ITCH: variants seen among roughly 807,000 people sequenced by gnomAD.
ITCH encodes the protein E3 ubiquitin-protein ligase Itchy homolog.
In ITCH, 28 loss-of-function variants were observed where a neutral mutation model predicts 126.8. The observed-to-expected ratio is 0.22, with a 90% CI of 0.16 to 0.30. The LOEUF is 0.30. Ranked by LOEUF, ITCH falls within the 10% of genes least tolerant of loss-of-function variation. The pLI is 1.00. For synonymous variants in ITCH, 342 were observed against 340.0 expected, an observed-to-expected ratio of 1.01 and a Z score of -0.06; for missense variants, 631 against 1,032.4, an observed-to-expected ratio of 0.61 and a Z score of 5.33.
chr20:34,409,153 GTTTTTAACTTAA>G (rs1568907073), intron 4 of ITCH, among the ~76,000 whole-genome samples: 1 of 112,010 alleles, frequency 8.9e-6, no homozygotes, highest in African/African-American at 4.2e-5. Flanking sequence ...CCCCCCCCCG[GTTTTTAACTTAA>G]TTTTTAAAAA....
At chr20:34,459,314 C>T (rs1986299438) in intron 13 of ITCH, among the ~76,000 whole-genome samples, 2 of 152,154 alleles carry the variant, frequency 1.3e-5, no homozygotes, top group African/African-American at 4.8e-5. Context: ...CGAGTATCAC[C>T]AACCAGGGAA....
At chr20:34,418,888 A>G (rs1401591597) in intron 6 of ITCH, among the ~76,000 whole-genome samples, 3 of 151,504 alleles carry the variant, frequency 2.0e-5, no homozygotes, top group Non-Finnish European at 2.9e-5. Flanking sequence ...CAGCCTCCCA[A>G]GTAGCTGGGA....
At chr20:34,366,520 C>T (rs1448765003) in intron 1 of ITCH, among the ~76,000 whole-genome samples, 3 of 152,060 alleles carry the variant, frequency 2.0e-5, no homozygotes, top group African/African-American at 7.2e-5. Flanking sequence ...CTACTGTGCT[C>T]TGGCTAAAAA....
intron 3 of ITCH, among the ~76,000 whole-genome samples, chr20:34,396,449 G>T (rs1483185910): frequency 6.6e-6 from 1 of 151,878 alleles, no homozygotes; most frequent in Non-Finnish European, 1.5e-5. Context: ...CATTCTAGTG[G>T]GTGTGAAGTA....
At chr20:34,455,504 GCT>G (rs1985798124) in intron 12 of ITCH, among the ~76,000 whole-genome samples, 1 of 147,500 alleles carries the variant, frequency 6.8e-6, no homozygotes, top group African/African-American at 2.5e-5. Context: ...ACGGAGTCTT[GCT>G]CTGTCGCCAG....
At chr20:34,412,665 T>C in intron 5 of ITCH, 26 bp downstream of exon 5, 1 of 1,583,426 alleles carries the variant, frequency 6.3e-7, no homozygotes, top group Non-Finnish European at 8.7e-7. Context: ...TAATAGAAAT[T>C]GCACTTAGCT....
At position 34,508,832 on chromosome 20, in the gene ITCH, A is replaced by G. The variant is rs1439262933; in HGVS notation, c.*1038A>G. The G allele has an allele frequency of 2.0e-5, 3 of 152,286 alleles. No homozygotes were observed. In the East Asian group the frequency reaches 5.8e-4, roughly 29 times the overall value. The allele number at this position is 152,286 out of a possible 1,614,324, so 9.4% of individuals were successfully genotyped here. On this transcript the variant is annotated 3_prime_UTR_variant, in exon 25 of 25. Transcript: ENST00000374864. ...CAGTTATATTTAATTATTGTTAAGG[A>G]GTTTAAGACTAGAAAGACTAGAGTG...
intron 13 of ITCH, among the ~76,000 whole-genome samples, chr20:34,458,576 T>C (rs1054070547): frequency 1.3e-5 from 2 of 152,220 alleles, no homozygotes; most frequent in African/African-American, 2.4e-5. Context: ...TAGAAATGTA[T>C]GTCTCAGGGT....
At chr20:34,504,169 C>T (rs1209891160) in intron 23 of ITCH, among the ~76,000 whole-genome samples, 162 bp from the exon 24 acceptor site, 3 of 152,004 alleles carry the variant, frequency 2.0e-5, no homozygotes, top group African/African-American at 2.4e-5. Context: ...ACATGAGCCA[C>T]CACACCTAAC....
intron 3 of ITCH, among the ~76,000 whole-genome samples, chr20:34,405,730 G>A (rs1416527184): frequency 6.6e-6 from 1 of 152,002 alleles, no homozygotes; most frequent in Non-Finnish European, 1.5e-5. Flanking sequence ...GTGTAATCCT[G>A]TGATTAAATT....
Position 34,420,272 on chromosome 20 carries a change from A to G in ITCH, c.476-4208A>G, listed in dbSNP as rs558623479. On this transcript the variant is annotated intron_variant, in intron 6 of 24. Transcript: ENST00000374864. ...CTTCTCCCAAGCCGTGATAACTGCT[A>G]ATCTGCTCTCTGTCTCTATGGATTT... Among the ~76,000 whole-genome samples, 17 of 152,304 alleles carry G rather than the reference A, an allele frequency of 1.1e-4. No individual in the cohort carries two copies. The East Asian group carries it at 2.9e-3, about 26-fold the overall frequency.
intron 7 of ITCH, among the ~76,000 whole-genome samples, chr20:34,437,750 C>G (rs1983209410): frequency 6.6e-6 from 1 of 152,188 alleles, no homozygotes; most frequent in Non-Finnish European, 1.5e-5. Context: ...TACTTATGCC[C>G]TTGTTTCTAA....
chr20:34,469,598 T>C (rs138947087), intron 14 of ITCH, among the ~76,000 whole-genome samples: 31 of 152,260 alleles, frequency 2.0e-4, no homozygotes, highest in African/African-American at 7.2e-4. Flanking sequence ...GCCAAAAAGA[T>C]CCTTCTTGAA....
At position 34,510,797 on chromosome 20, in the gene ITCH, A is replaced by G. The variant is rs1163549261; in HGVS notation, c.*3003A>G. 1 of 152,160 alleles carries G rather than the reference A, an allele frequency of 6.6e-6. No individual in the cohort carries two copies. Among genetic ancestry groups the G allele is most frequent in the African/African-American group, 2.4e-5 (1 of 41,416 alleles). The allele number at this position is 152,160 out of a possible 1,614,324, so 9.4% of individuals were successfully genotyped here. A position where few individuals can be genotyped will look rare whatever the true frequency, so the allele number is the denominator to read the frequency against. ...CAGGAGTTCAAATCCTGCCTGGGCA[A>G]CATAGCAAGACCCTGTCTCTTAAAA... is the stretch of plus-strand genomic sequence containing the variant. On this transcript the variant is annotated 3_prime_UTR_variant, in exon 25 of 25. Transcript: ENST00000374864.
At chr20:34,419,361 A>G (rs1980422994) in intron 6 of ITCH, among the ~76,000 whole-genome samples, 1 of 152,134 alleles carries the variant, frequency 6.6e-6, no homozygotes, top group African/African-American at 2.4e-5. Flanking sequence ...TTTCCTTTCG[A>G]GATAATCACT....
At chr20:34,364,300 C>T (rs977931070) in intron 1 of ITCH, among the ~76,000 whole-genome samples, 5 of 152,108 alleles carry the variant, frequency 3.3e-5, no homozygotes, top group African/African-American at 7.2e-5. Context: ...TGCCATTCTT[C>T]CACAGCTACA....
chr20:34,481,873 T>A (rs912632090), intron 20 of ITCH, among the ~76,000 whole-genome samples: 4 of 152,114 alleles, frequency 2.6e-5, no homozygotes, highest in Admixed American at 6.6e-5. Flanking sequence ...TAGCTGGGTG[T>A]GGTGGCATGT....
Position 34,480,586 on chromosome 20 carries a change from CCT to C in ITCH, c.1819-12_1819-11del. ...ACAGTTATTTTAAGCGGTCTTGTTT[CCT>C]TTTTTCATAGGCTCTGTTCCATGGG... On this transcript the variant is annotated splice_polypyrimidine_tract_variant and intron_variant, in intron 18 of 24. Coordinates refer to ENST00000374864, the MANE Select transcript of ITCH (RefSeq NM_031483.7). The C allele has an allele frequency of 3.1e-6, 5 of 1,613,218 alleles. No individual in the cohort carries two copies. The highest frequency in any genetic ancestry group is 4.2e-6 in the Non-Finnish European group (5 of 1,179,374).
At chr20:34,485,881 T>C (rs915014121) in intron 20 of ITCH, among the ~76,000 whole-genome samples, 2 of 152,198 alleles carry the variant, frequency 1.3e-5, no homozygotes, top group African/African-American at 4.8e-5. Flanking sequence ...TGTAGAGATG[T>C]GGTCTTGCTA....
Sources: gnomAD v4.1 joint callset for allele counts (sites outside exome capture counted in the v4.1 genomes callset) on GRCh38, gnomAD v4.1.1 for gene constraint, MANE v1.5 for transcripts, NCBI Gene and HGNC (gene_info 2026-07-23, HGNC 2026-07-21) for gene names.